Variants in ZRANB3 observed in about 807,000 individuals in gnomAD.
The protein encoded by ZRANB3 is DNA annealing helicase and endonuclease ZRANB3.
In ZRANB3, 125 loss-of-function variants were observed where a neutral mutation model predicts 133.8. That is an observed-to-expected ratio of 0.93 (90% CI 0.81 to 1.08). The LOEUF is 1.08. ZRANB3 is among the 50% of genes least tolerant of loss of function. The pLI, the probability that ZRANB3 is intolerant of heterozygous loss-of-function variation, is 0.00. For missense variants in ZRANB3, 1,229 were observed against 1,275.5 expected (o/e 0.96, Z 0.56); for synonymous variants, 387 against 432.7 (o/e 0.89, Z 1.31).
rs537448210 is a variant in ZRANB3 at position 135,398,690 on chromosome 2, T to C, written c.162-7870A>G. The stretch of plus-strand genomic sequence containing the variant: ...CCCGCCACCATGCCCAGCTAATTTT[T>C]TTTTTTGTATTTTTAGTAGAGACGG... On this transcript the variant is annotated intron_variant, in intron 2 of 20. Transcript: ENST00000264159. Among the ~76,000 whole-genome samples, 3 of 151,330 alleles carry C rather than the reference T, an allele frequency of 2.0e-5. No individual in the cohort carries two copies. In the South Asian group the frequency reaches 6.3e-4, roughly 32 times the overall value.
intron 2 of ZRANB3, among the ~76,000 whole-genome samples, chr2:135,400,022 A>C (rs983195221): frequency 6.6e-6 from 1 of 152,174 alleles, no homozygotes; most frequent in Non-Finnish European, 1.5e-5. Flanking sequence ...CAGGCGGATT[A>C]AGAGGTCAAG....
intron 1 of ZRANB3, among the ~76,000 whole-genome samples, chr2:135,522,349 G>A (rs1693982490): frequency 6.6e-6 from 1 of 152,188 alleles, no homozygotes; most frequent in Non-Finnish European, 1.5e-5. Context: ...CTACGAGCAA[G>A]CCTCCGATGC....
chr2:135,361,422 T>C (rs912786788), intron 3 of ZRANB3, among the ~76,000 whole-genome samples: 8 of 152,224 alleles, frequency 5.3e-5, no homozygotes, highest in African/African-American at 1.9e-4. Context: ...TAATTTTAGG[T>C]TTCCTAAATG....
intron 2 of ZRANB3, among the ~76,000 whole-genome samples, chr2:135,445,094 G>T (rs755125365): frequency 6.6e-6 from 1 of 152,124 alleles, no homozygotes; most frequent in Non-Finnish European, 1.5e-5. Flanking sequence ...AAATATAGTG[G>T]TAACTGGAGG....
At chr2:135,476,003 GGGAGGC>G (rs1339343227) in intron 2 of ZRANB3, among the ~76,000 whole-genome samples, 1 of 152,100 alleles carries the variant, frequency 6.6e-6, no homozygotes, top group Admixed American at 6.6e-5. Context: ...GTTTGAACCC[GGGAGGC>G]GGAGGTTGCA....
chr2:135,249,398 T>C (rs551634414), intron 12 of ZRANB3, among the ~76,000 whole-genome samples: 3 of 152,364 alleles, frequency 2.0e-5, no homozygotes, highest in Admixed American at 6.5e-5. Context: ...TTATATGCCA[T>C]TGAATACCAT....
chr2:135,528,928 T>G (rs949916296), intron 1 of ZRANB3, among the ~76,000 whole-genome samples: 3 of 152,216 alleles, frequency 2.0e-5, no homozygotes, highest in Non-Finnish European at 4.4e-5. Context: ...AAAGGTAGAA[T>G]GTAAAGAAGG....
At chr2:135,524,242 T>G (rs1694060301) in intron 1 of ZRANB3, among the ~76,000 whole-genome samples, 2 of 152,094 alleles carry the variant, frequency 1.3e-5, no homozygotes, top group African/African-American at 4.8e-5. Context: ...CCACCACAGC[T>G]GGCTACTTTT....
chr2:135,230,960 GAAGCAATCTAATATGTTCTT>G lies in ZRANB3; in HGVS notation c.1540-53_1540-34del, dbSNP rs751211755. The G allele has an allele frequency of 2.9e-5, 44 of 1,508,914 alleles. No homozygotes were observed. The East Asian group carries it at 1.0e-3, about 34-fold the overall frequency. 93.5% of individuals were successfully genotyped at this position (1,508,914 alleles called of 1,614,324 possible). On this transcript the variant is annotated intron_variant, in intron 12 of 20. Coordinates refer to ENST00000264159, the MANE Select transcript of ZRANB3 (RefSeq NM_032143.4). ...AAGCAAACAGTAGTTATCAAAGTAAGAAGCAATCTAATATGTTCTTCTTACATAAAAGAGCTTAACAAAAT... is the reference window on the plus strand; with the variant it reads ...AAGCAAACAGTAGTTATCAAAGTAAGCTTACATAAAAGAGCTTAACAAAAT...
At chr2:135,457,951 T>A (rs1690600702) in intron 2 of ZRANB3, among the ~76,000 whole-genome samples, 1 of 152,122 alleles carries the variant, frequency 6.6e-6, no homozygotes, top group Non-Finnish European at 1.5e-5. Context: ...TTTGGTTGTA[T>A]GTTTTTAGGT....
At chr2:135,252,062 A>C (rs977903783) in intron 12 of ZRANB3, among the ~76,000 whole-genome samples, 1 of 152,160 alleles carries the variant, frequency 6.6e-6, no homozygotes, top group African/African-American at 2.4e-5. Flanking sequence ...AACAAACAAA[A>C]AAACCCTCTT....
intron 2 of ZRANB3, among the ~76,000 whole-genome samples, chr2:135,403,347 C>T (rs888017833): frequency 2.0e-5 from 3 of 152,342 alleles, no homozygotes; most frequent in Admixed American, 1.3e-4. Context: ...CACAGAGCCT[C>T]GCTCATTGCT....
intron 19 of ZRANB3, among the ~76,000 whole-genome samples, chr2:135,203,604 C>T (rs143172867): frequency 5.4e-5 from 7 of 130,806 alleles, no homozygotes; most frequent in African/African-American, 2.2e-4. Flanking sequence ...GGGTGACAGA[C>T]TCGGTCTCAA....
At chr2:135,246,547 CAAT>C (rs1336249297) in intron 12 of ZRANB3, among the ~76,000 whole-genome samples, 7 of 152,148 alleles carry the variant, frequency 4.6e-5, no homozygotes, top group East Asian at 1.9e-4. Context: ...TCATCAACAA[CAAT>C]GACTCCCTGC....
chr2:135,455,661 G>A (rs1690486036), intron 2 of ZRANB3, among the ~76,000 whole-genome samples: 1 of 142,922 alleles, frequency 7.0e-6, no homozygotes, highest in Non-Finnish European at 1.5e-5. Context: ...GCGCGATCTC[G>A]GCTCACTGCA....
At position 135,312,188 on chromosome 2, in the gene ZRANB3, T is replaced by TTTTTA. The variant is rs1228211709; in HGVS notation, c.966+1296_966+1300dup. Among the ~76,000 whole-genome samples the TTTTTA allele has an allele frequency of 3.4e-3, 431 of 127,216 alleles. 4 individuals carry two copies. The highest frequency in any genetic ancestry group is 0.029 in the East Asian group (129 of 4,406). 83.5% of individuals were successfully genotyped at this position (127,216 alleles called of 152,430 possible). ...TTTTATTTTATTTTATTTTATTTTA[T>TTTTTA]TTTTATTTTATTTTATTTTATTTTA... On this transcript the variant is annotated intron_variant, in intron 8 of 20. Coordinates refer to ENST00000264159, the MANE Select transcript of ZRANB3 (RefSeq NM_032143.4).
chr2:135,231,666 T>C (rs1695021448), intron 12 of ZRANB3, among the ~76,000 whole-genome samples: 1 of 152,054 alleles, frequency 6.6e-6, no homozygotes, highest in African/African-American at 2.4e-5. Context: ...TGTGCACCTG[T>C]AGTCCCAGCT....
intron 2 of ZRANB3, among the ~76,000 whole-genome samples, chr2:135,398,162 T>C (rs1450132924): frequency 6.6e-6 from 1 of 151,800 alleles, no homozygotes; most frequent in African/African-American, 2.4e-5. Flanking sequence ...GCCTCCCGGG[T>C]TCACGCCATT....
At chr2:135,522,393 T>C (rs186224246) in intron 1 of ZRANB3, among the ~76,000 whole-genome samples, 111 of 152,326 alleles carry the variant, frequency 7.3e-4, no homozygotes, top group Admixed American at 2.7e-3. Context: ...TAAACTCTTA[T>C]TCTGTCTCTT....
Sources: gnomAD v4.1 joint callset for allele counts (sites outside exome capture counted in the v4.1 genomes callset) on GRCh38, gnomAD v4.1.1 for gene constraint, MANE v1.5 for transcripts, NCBI Gene and HGNC (gene_info 2026-07-23, HGNC 2026-07-21) for gene names.